The following CAMTA1 variants were observed in gnomAD, a reference collection of about 807,000 sequenced individuals.
The protein encoded by CAMTA1 is calmodulin-binding transcription activator 1.
Under a neutral mutation model 170.9 loss-of-function variants are expected in CAMTA1, and 27 were observed. The ratio of observed to expected loss-of-function variants is 0.16; its 90% CI spans 0.12 to 0.22. CAMTA1 has a LOEUF of 0.22. CAMTA1 is among the 10% of genes least tolerant of loss of function. CAMTA1 has a pLI of 1.00. For synonymous variants in CAMTA1, 833 were observed against 891.5 expected, an observed-to-expected ratio of 0.93 and a Z score of 1.17; for missense variants, 1,619 against 2,217.2, an observed-to-expected ratio of 0.73 and a Z score of 5.42.
chr1:7,331,216 G>A (rs182642753), intron 5 of CAMTA1, among the ~76,000 whole-genome samples: 1 of 152,212 alleles, frequency 6.6e-6, no homozygotes, highest in African/African-American at 2.4e-5. Flanking sequence ...TCCAGTCTGG[G>A]CAACAAAGCG....
intron 3 of CAMTA1, among the ~76,000 whole-genome samples, chr1:7,082,191 A>C (rs983952378): frequency 2.0e-5 from 3 of 152,068 alleles, no homozygotes; most frequent in Non-Finnish European, 2.9e-5. Flanking sequence ...TAACCCCAGC[A>C]CTTTGGGAGG....
chr1:7,503,280 C>T (rs1448703354), intron 6 of CAMTA1, among the ~76,000 whole-genome samples: 3 of 152,206 alleles, frequency 2.0e-5, no homozygotes, highest in Non-Finnish European at 2.9e-5. Flanking sequence ...AGGGCCCTCC[C>T]GCCTGGGTTT....
chr1:6,871,669 GT>G (rs1668444532), intron 3 of CAMTA1: 1 of 1,137,402 alleles, frequency 8.8e-7, no homozygotes, highest in African/African-American at 1.6e-5. Flanking sequence ...GAATGATGGG[GT>G]TCAGTTACAG....
intron 6 of CAMTA1, among the ~76,000 whole-genome samples, chr1:7,489,210 A>G (rs2149683415): frequency 6.6e-6 from 1 of 152,328 alleles, no homozygotes; most frequent in African/African-American, 2.4e-5. Flanking sequence ...CGCCCCCTAG[A>G]CACACTCCCA....
intron 3 of CAMTA1, among the ~76,000 whole-genome samples, chr1:7,030,476 A>G (rs1337991747): frequency 6.6e-6 from 1 of 152,234 alleles, no homozygotes; most frequent in African/African-American, 2.4e-5. Flanking sequence ...CAAGTTGTCA[A>G]GTTCACAATG....
intron 3 of CAMTA1, among the ~76,000 whole-genome samples, chr1:6,892,597 CTTT>C (rs70984032): frequency 9.9e-5 from 12 of 120,854 alleles, no homozygotes; most frequent in Non-Finnish European, 1.4e-4. Flanking sequence ...TTTTTCTTTT[CTTT>C]TTTTTTTTTT....
At chr1:6,960,977 A>G (rs1690298932) in intron 3 of CAMTA1, among the ~76,000 whole-genome samples, 1 of 152,264 alleles carries the variant, frequency 6.6e-6, no homozygotes, top group South Asian at 2.1e-4. Context: ...TAACTTCTCA[A>G]TATCATACAT....
intron 3 of CAMTA1, among the ~76,000 whole-genome samples, chr1:6,830,644 A>G (rs753332952): frequency 6.6e-6 from 1 of 151,686 alleles, no homozygotes; most frequent in Non-Finnish European, 1.5e-5. Flanking sequence ...CGCCCAGCTT[A>G]AAACAATTTA....
intron 6 of CAMTA1, among the ~76,000 whole-genome samples, chr1:7,541,930 CAT>C (rs2094616918): frequency 6.6e-6 from 1 of 152,206 alleles, no homozygotes; most frequent in Non-Finnish European, 1.5e-5. Context: ...CAGCACCGTC[CAT>C]GTTTCTCACT....
intron 3 of CAMTA1, chr1:6,874,068 A>C (rs1218424970): frequency 6.6e-6 from 1 of 152,246 alleles, no homozygotes; most frequent in Non-Finnish European, 1.5e-5. Context: ...CTTCTGTTTT[A>C]TCCTCTGTGA....
intron 3 of CAMTA1, among the ~76,000 whole-genome samples, chr1:6,858,957 T>A (rs1413862871): frequency 1.3e-5 from 2 of 152,212 alleles, no homozygotes; most frequent in Non-Finnish European, 2.9e-5. Context: ...AATCATTATG[T>A]CCTTTTTGCC....
intron 7 of CAMTA1, 111 bp downstream of exon 7, chr1:7,640,664 A>G: frequency 7.8e-7 from 1 of 1,275,566 alleles, no homozygotes; most frequent in African/African-American, 1.5e-5. Context: ...CCGGAGCCCC[A>G]TCTTGCTGGA....
Position 7,665,951 on chromosome 1 carries a change from T to G in CAMTA1, c.2652+752T>G, listed in dbSNP as rs563859867. On this transcript the variant is annotated intron_variant, in intron 9 of 22. Coordinates refer to ENST00000303635, the MANE Select transcript of CAMTA1 (RefSeq NM_015215.4). The surrounding 1 kb of genome is among the most constrained non-coding windows in gnomAD (Gnocchi z 4.3). ...GGGAGGCCAAGGTGGGTGGATCACC[T>G]GAGGTCAGGAGTTCGAGACTAGCCT... is the stretch of plus-strand genomic sequence containing the variant. Among the ~76,000 whole-genome samples, 27 of 152,184 alleles carry G rather than the reference T, an allele frequency of 1.8e-4. 1 individual carries two copies. In the South Asian group the frequency reaches 5.2e-3, roughly 29 times the overall value.
intron 5 of CAMTA1, among the ~76,000 whole-genome samples, chr1:7,411,131 C>T (rs2090703310): frequency 6.6e-6 from 1 of 152,156 alleles, no homozygotes; most frequent in Admixed American, 6.5e-5. Flanking sequence ...TTATCTTGCT[C>T]TGTTCCTCTG....
At position 7,463,017 on chromosome 1, in the gene CAMTA1, G is replaced by C. The variant is rs1372133264; in HGVS notation, c.439-4813G>C. On this transcript the variant is annotated intron_variant, in intron 5 of 22. Transcript: ENST00000303635. The surrounding 1 kb of genome is among the most constrained non-coding windows in gnomAD (Gnocchi z 4.7). ...TGGACTCCAGCTGAGCGGGGTCTTCGGAGGCAGCACAGGGAGGTTGTCCTG... is the reference window on the plus strand; with the variant it reads ...TGGACTCCAGCTGAGCGGGGTCTTCCGAGGCAGCACAGGGAGGTTGTCCTG... Among the ~76,000 whole-genome samples, 1 of 152,204 alleles carries C rather than the reference G, an allele frequency of 6.6e-6. No homozygotes were observed. Among genetic ancestry groups the C allele is most frequent in the Non-Finnish European group, 1.5e-5 (1 of 68,040 alleles).
Position 7,045,635 on chromosome 1 carries a change from G to A in CAMTA1, c.235-45669G>A, listed in dbSNP as rs1378022997. ...GGGGAGGCCCTAGAAGGTGACTATCGGTACTGAATCCTGGTTCTTTTGATT... is the reference window on the plus strand; with the variant it reads ...GGGGAGGCCCTAGAAGGTGACTATCAGTACTGAATCCTGGTTCTTTTGATT... On this transcript the variant is annotated intron_variant, in intron 3 of 22. Coordinates refer to ENST00000303635, the MANE Select transcript of CAMTA1 (RefSeq NM_015215.4). Among the ~76,000 whole-genome samples, 8 of 152,310 alleles carry A rather than the reference G, an allele frequency of 5.3e-5. No homozygotes were observed. In the East Asian group the frequency reaches 1.5e-3, roughly 29 times the overall value.
intron 3 of CAMTA1, among the ~76,000 whole-genome samples, chr1:7,037,917 AT>A (rs55645358): frequency 0.15 from 21,611 of 142,994 alleles, 2,146 homozygotes; most frequent in African/African-American, 0.29. Flanking sequence ...TTTGATCTTT[AT>A]TTTTTTTTTT....
At chr1:6,832,866 C>T (rs776430233) in intron 3 of CAMTA1, among the ~76,000 whole-genome samples, 2 of 152,094 alleles carry the variant, frequency 1.3e-5, no homozygotes, top group African/African-American at 2.4e-5. Context: ...GTATATAGTA[C>T]GAAGTTTCAA....
rs2092607277 is a variant in CAMTA1 at position 7,443,654 on chromosome 1, G to A, written c.439-24176G>A. On this transcript the variant is annotated intron_variant, in intron 5 of 22. Coordinates refer to ENST00000303635, the MANE Select transcript of CAMTA1 (RefSeq NM_015215.4). This position sits in a 1 kb window ranked among gnomAD's most constrained non-coding sequence, Gnocchi z 4.1. ...TTGCAGTGCCCTATAGTGCACCGTT[G>A]GGGTAGAGGGAGGCCCAGAGCCTGG... Among the ~76,000 whole-genome samples the A allele has an allele frequency of 6.6e-6, 1 of 152,138 alleles. No individual in the cohort carries two copies. The highest frequency in any genetic ancestry group is 2.4e-5 in the African/African-American group (1 of 41,428).
Sources: gnomAD v4.1 joint callset for allele counts (sites outside exome capture counted in the v4.1 genomes callset) on GRCh38, gnomAD v4.1.1 for gene constraint, Gnocchi (gnomAD v3.1) non-coding constraint, MANE v1.5 for transcripts, NCBI Gene and HGNC (gene_info 2026-07-23, HGNC 2026-07-21) for gene names.